Variants in ABLIM1 observed in about 807,000 individuals in gnomAD.
ABLIM1 encodes actin binding LIM protein 1.
A neutral mutation model predicts 107.0 loss-of-function variants in ABLIM1; 40 were observed. The ratio of observed to expected loss-of-function variants is 0.37; its 90% CI spans 0.29 to 0.49. The LOEUF (loss-of-function observed/expected upper bound fraction) is 0.49, where lower values mean the gene tolerates loss of function less well. Ranked by LOEUF, ABLIM1 falls within the 20% of genes least tolerant of loss-of-function variation. The pLI is 0.97. For missense variants in ABLIM1, 857 were observed against 1,008.5 expected, an observed-to-expected ratio of 0.85 and a Z score of 2.04; for synonymous variants, 357 against 357.3, an observed-to-expected ratio of 1.00 and a Z score of 0.01.
rs1201436764 is a variant in ABLIM1 at position 114,447,986 on chromosome 10, A to G, written c.1629T>C (p.Asp543=). The change falls in exon 15 of 23, where the codon GAT becomes GAC. Residue 543 remains aspartate (D), a synonymous_variant. Transcript: ENST00000533213. ...CTGGGAACTTGGAAAACTTGATGAT[A>G]TCTTCTGAGGACTTGCTCTGGGCTG... ...ALAAQSKSSE[D]IIKFSKFPAA... The G allele has an allele frequency of 2.5e-6, 4 of 1,613,982 alleles. No individual in the cohort carries two copies. Among genetic ancestry groups the G allele is most frequent in the Non-Finnish European group, 3.4e-6 (4 of 1,180,020 alleles).
intron 10 of ABLIM1, among the ~76,000 whole-genome samples, chr10:114,471,523 G>C (rs986854465): frequency 1.7e-4 from 26 of 152,072 alleles, no homozygotes; most frequent in African/African-American, 6.0e-4. Context: ...GAGAGCGGCC[G>C]CAAGTGCAGC....
chr10:114,597,934 A>G (rs1591491181), intron 2 of ABLIM1, among the ~76,000 whole-genome samples: 1 of 152,208 alleles, frequency 6.6e-6, no homozygotes, highest in East Asian at 1.9e-4. Context: ...GTGCTGTCCA[A>G]TACAGTAGCC....
intron 1 of ABLIM1, among the ~76,000 whole-genome samples, chr10:114,746,793 C>A (rs901108261): frequency 2.0e-5 from 3 of 152,194 alleles, no homozygotes; most frequent in African/African-American, 7.2e-5. Context: ...TAATCTGCAT[C>A]TCCCTAATGA....
chr10:114,761,148 G>A (rs971571861), intron 1 of ABLIM1, among the ~76,000 whole-genome samples: 1 of 152,074 alleles, frequency 6.6e-6, no homozygotes, highest in Non-Finnish European at 1.5e-5. Context: ...TGGGACAAGA[G>A]GCCCAGAGTG....
intron 1 of ABLIM1, among the ~76,000 whole-genome samples, chr10:114,696,691 C>G (rs539203451): frequency 1.3e-5 from 2 of 152,186 alleles, no homozygotes; most frequent in South Asian, 2.1e-4. Context: ...GTAAGACATG[C>G]CTTTCACCTT....
chr10:114,596,635 T>C (rs1321440973), intron 2 of ABLIM1, among the ~76,000 whole-genome samples: 1 of 152,130 alleles, frequency 6.6e-6, no homozygotes, highest in Non-Finnish European at 1.5e-5. Flanking sequence ...CACCAATCCC[T>C]ACCTTGTCAC....
At chr10:114,787,184 G>A in the ABLIM1 span, among the ~76,000 whole-genome samples, 8 of 150,210 alleles carry the variant, frequency 5.3e-5, no homozygotes, top group African/African-American at 7.4e-5. Flanking sequence ...CTGCCCGGCC[G>A]CCCCGTCTGA....
chr10:114,730,397 CA>C lies in ABLIM1; in HGVS notation c.-213+37663del, dbSNP rs59713925. Among the ~76,000 whole-genome samples the C allele has an allele frequency of 5.3e-3, 387 of 73,134 alleles. 1 individual carries two copies. Among genetic ancestry groups the C allele is most frequent in the East Asian group, 0.031 (62 of 2,030 alleles). The allele number at this position is 73,134 out of a possible 152,430, so 48.0% of individuals were successfully genotyped here. On this transcript the variant is annotated intron_variant, in intron 1 of 15. Coordinates refer to the ABLIM1 transcript ENST00000651092. The stretch of plus-strand genomic sequence containing the variant: ...TGGTCAACAGTGTGAAACTCCATCT[CA>C]AAAAAAAAAAAAAAAAAAAAAGAAT...
intron 1 of ABLIM1, among the ~76,000 whole-genome samples, chr10:114,611,608 A>G (rs2076817090): frequency 6.6e-6 from 1 of 152,228 alleles, no homozygotes; most frequent in Non-Finnish European, 1.5e-5. Flanking sequence ...TTATAGAAAC[A>G]GCTTCTGCTC....
intron 1 of ABLIM1, among the ~76,000 whole-genome samples, chr10:114,726,575 G>A (rs193256124): frequency 1.1e-4 from 12 of 109,952 alleles, no homozygotes; most frequent in African/African-American, 3.3e-4. Context: ...GAGGTCAGGA[G>A]TCCCAGACCA....
intron 7 of ABLIM1, among the ~76,000 whole-genome samples, chr10:114,491,524 G>A (rs963755761): frequency 2.2e-4 from 34 of 152,058 alleles, no homozygotes; most frequent in African/African-American, 7.5e-4. Context: ...CCTCACATCC[G>A]AGCCATCAAA....
intron 1 of ABLIM1, chr10:114,764,739 C>G (rs2082843092): frequency 6.6e-6 from 1 of 152,240 alleles, no homozygotes; most frequent in Non-Finnish European, 1.5e-5. Context: ...ATCTGCTAAG[C>G]AGTGTTCTCC....
At chr10:114,591,317 T>C (rs2074844184) in intron 2 of ABLIM1, among the ~76,000 whole-genome samples, 1 of 152,194 alleles carries the variant, frequency 6.6e-6, no homozygotes, top group Admixed American at 6.6e-5. Context: ...ACCTATTTTA[T>C]TTCCTTAATT....
chr10:114,624,108 T>C (rs1259449120), intron 1 of ABLIM1, among the ~76,000 whole-genome samples: 1 of 152,014 alleles, frequency 6.6e-6, no homozygotes, highest in Non-Finnish European at 1.5e-5. Context: ...CACAATGAAA[T>C]AGGAAGCTGG....
intron 15 of ABLIM1, among the ~76,000 whole-genome samples, chr10:114,445,931 T>C (rs578085557): frequency 2.0e-5 from 3 of 152,204 alleles, no homozygotes; most frequent in Admixed American, 2.0e-4. Context: ...CACCATACCC[T>C]ACTGATTTTT....
At chr10:114,509,098 G>C (rs887044938) in intron 6 of ABLIM1, among the ~76,000 whole-genome samples, 4 of 152,170 alleles carry the variant, frequency 2.6e-5, no homozygotes, top group Non-Finnish European at 5.9e-5. Flanking sequence ...TATGGAGAAT[G>C]CGGAGAGCAG....
chr10:114,610,554 C>T (rs1161907085), intron 1 of ABLIM1: 1 of 152,170 alleles, frequency 6.6e-6, no homozygotes, highest in Non-Finnish European at 1.5e-5. Flanking sequence ...GCTAGACCGG[C>T]ACTAGTATGG....
chr10:114,677,166 C>T (rs1335078119), intron 1 of ABLIM1, among the ~76,000 whole-genome samples: 2 of 152,176 alleles, frequency 1.3e-5, no homozygotes, highest in Non-Finnish European at 2.9e-5. Context: ...CCTATGAGCT[C>T]CACAAAGGGA....
chr10:114,654,225 A>C (rs991059738), intron 1 of ABLIM1, among the ~76,000 whole-genome samples: 1 of 152,310 alleles, frequency 6.6e-6, no homozygotes, highest in South Asian at 2.1e-4. Flanking sequence ...CAGCATCTAT[A>C]GTTCTGGGCC....
Sources: allele counts gnomAD v4.1 joint callset (sites outside exome capture counted in the v4.1 genomes callset), GRCh38; gene constraint gnomAD v4.1.1; transcripts MANE v1.5; gene names NCBI Gene and HGNC (gene_info 2026-07-23, HGNC 2026-07-21).